The following KY variants were observed in gnomAD, a reference collection of about 807,000 sequenced individuals.
KY encodes the protein kyphoscoliosis peptidase.
A neutral mutation model predicts 76.1 loss-of-function variants in KY; 43 were observed. The observed-to-expected ratio is 0.57, with a 90% CI of 0.44 to 0.73. The LOEUF (loss-of-function observed/expected upper bound fraction) is 0.73, where lower values mean the gene tolerates loss of function less well. Ranked by LOEUF, KY falls within the 30% of genes least tolerant of loss-of-function variation. KY has a pLI of 0.00. For synonymous variants in KY, 277 were observed against 326.2 expected (o/e 0.85, Z 1.63); for missense variants, 722 against 828.9 (o/e 0.87, Z 1.58).
chr3:134,646,950 GA>G (rs1447261659), intron 2 of KY, among the ~76,000 whole-genome samples: 1 of 152,110 alleles, frequency 6.6e-6, no homozygotes, highest in Non-Finnish European at 1.5e-5. Flanking sequence ...CCTGGCACTG[GA>G]AAAAAGAGGC....
intron 10 of KY, chr3:134,608,153 G>T (rs930494768): frequency 8.7e-7 from 1 of 1,148,224 alleles, no homozygotes; most frequent in East Asian, 6.3e-5. Flanking sequence ...TTCCAGCTCT[G>T]CTGAGGCCAT....
chr3:134,610,428 T>C, intron 8 of KY, 45 bp from the exon 9 acceptor site: 4 of 1,555,294 alleles, frequency 2.6e-6, no homozygotes, highest in Non-Finnish European at 3.5e-6. Flanking sequence ...CCGCTGTGGC[T>C]TGCCTCCAAG....
chr3:134,606,653 G>A (rs1959226468), intron 10 of KY, among the ~76,000 whole-genome samples: 1 of 152,198 alleles, frequency 6.6e-6, no homozygotes, highest in Admixed American at 6.5e-5. Context: ...TGGTGAAGGG[G>A]CTAGCCTGTT....
intron 6 of KY, among the ~76,000 whole-genome samples, chr3:134,622,699 A>G (rs1243812484): frequency 6.6e-6 from 1 of 152,330 alleles, no homozygotes; most frequent in Non-Finnish European, 1.5e-5. Context: ...TTTATGATAA[A>G]AAAAGAACAA....
chr3:134,644,704 G>A (rs942988762), intron 2 of KY, among the ~76,000 whole-genome samples: 18 of 152,210 alleles, frequency 1.2e-4, no homozygotes, highest in African/African-American at 4.1e-4. Context: ...CAGATCAGCC[G>A]CTCAGTGGTT....
Position 134,618,010 on chromosome 3 carries a change from G to C in KY, c.710+1138C>G, listed in dbSNP as rs140692677. 6.4e-3 allele frequency among the ~76,000 whole-genome samples: 967 copies of C among 152,266 alleles called. 3 individuals carry two copies. Among genetic ancestry groups the C allele is most frequent in the Non-Finnish European group, 0.011 (726 of 68,020 alleles). ...GGAGGTATGCTTGGGTCTGGGGTAG[G>C]GGGTGGGAAGCAGCCTGGGTGGCAT... On this transcript the variant is annotated intron_variant, in intron 8 of 10. Transcript: ENST00000423778.
At chr3:134,621,904 A>G (rs1236413662) in intron 6 of KY, among the ~76,000 whole-genome samples, 1 of 152,224 alleles carries the variant, frequency 6.6e-6, no homozygotes, top group East Asian at 1.9e-4. Flanking sequence ...GGGGCAAAGG[A>G]CTTGAACAGA....
intron 2 of KY, among the ~76,000 whole-genome samples, chr3:134,644,190 G>A (rs988978470): frequency 3.9e-5 from 6 of 152,174 alleles, no homozygotes; most frequent in South Asian, 2.1e-4. Context: ...CCTAGGAGAC[G>A]GGATGATGTG....
Position 134,647,485 on chromosome 3 carries a change from A to C in KY, c.149T>G (p.Val50Gly). ...CTGCCATCTTCGGACTCCATTTCCA[A>C]CACCTTGGAATCCTGCAAAATAACA... Reference protein sequence around the residue: ...LLQRGGGFQGVGNGVRRWQKL... With the variant: ...LLQRGGGFQGGGNGVRRWQKL... The change falls in exon 2 of 11, where the codon GTT becomes GGT. Residue 50 changes from valine to glycine, a missense_variant. Coordinates refer to ENST00000423778, the MANE Select transcript of KY (RefSeq NM_178554.6). The C allele has an allele frequency of 6.2e-7, 1 of 1,610,310 alleles. No individual in the cohort carries two copies. The highest frequency in any genetic ancestry group is 8.5e-7 in the Non-Finnish European group (1 of 1,177,142).
At chr3:134,640,141 TGAG>T (rs1194392076) in intron 3 of KY, among the ~76,000 whole-genome samples, 1 of 150,226 alleles carries the variant, frequency 6.7e-6, no homozygotes, top group African/African-American at 2.5e-5. Context: ...AAAGAGAGGC[TGAG>T]GAGGAGAGAA....
Position 134,608,845 on chromosome 3 carries a change from G to T in KY, c.900-6C>A, listed in dbSNP as rs745826488. 12 of 1,602,702 alleles carry T rather than the reference G, an allele frequency of 7.5e-6. No homozygotes were observed. Among genetic ancestry groups the T allele is most frequent in the Non-Finnish European group, 1.0e-5 (12 of 1,172,388 alleles). On this transcript the variant is annotated splice_polypyrimidine_tract_variant and splice_region_variant and intron_variant, in intron 9 of 10. Coordinates refer to ENST00000423778, the MANE Select transcript of KY (RefSeq NM_178554.6). ...GGAAGTAGAACTCATTGTAGCTGGA[G>T]CAGAGACAAGCTGGTTAGCAGCCAG...
At chr3:134,614,186 A>C (rs1024479597) in intron 8 of KY, among the ~76,000 whole-genome samples, 7 of 152,136 alleles carry the variant, frequency 4.6e-5, no homozygotes, top group Non-Finnish European at 5.9e-5. Context: ...TGCAGGCAGG[A>C]GCTGAGAGAG....
Position 134,625,086 on chromosome 3 carries a change from C to T in KY, c.450G>A (p.Gln150=). ...CGTAGATATCCAATTTCTCAAACTG[C>T]TGCAGGTCCAGGGACATGGATTTCA... The part of the protein sequence containing the change: ...SSLKSMSLDL[Q]QFEKLDIYAS... Residue 150 remains glutamine (Q), a synonymous_variant, in exon 6 of 11, where the codon CAG becomes CAA. Coordinates refer to ENST00000423778, the MANE Select transcript of KY (RefSeq NM_178554.6). 6.2e-7 allele frequency: 1 copy of T among 1,602,548 alleles called. No homozygotes were observed. The highest frequency in any genetic ancestry group is 8.5e-7 in the Non-Finnish European group (1 of 1,174,470).
intron 3 of KY, among the ~76,000 whole-genome samples, chr3:134,635,061 G>T (rs1054021714): frequency 6.6e-6 from 1 of 152,176 alleles, no homozygotes; most frequent in Non-Finnish European, 1.5e-5. Flanking sequence ...TTATCCCAGA[G>T]AAATGAAAAC....
intron 3 of KY, among the ~76,000 whole-genome samples, chr3:134,640,230 G>T (rs1965570738): frequency 6.6e-6 from 1 of 151,850 alleles, no homozygotes; most frequent in Non-Finnish European, 1.5e-5. Context: ...TTGGGTGGGG[G>T]GTACTGCACC....
At chr3:134,617,991 A>G (rs1961874166) in intron 8 of KY, among the ~76,000 whole-genome samples, 1 of 151,874 alleles carries the variant, frequency 6.6e-6, no homozygotes, top group Admixed American at 6.6e-5. Flanking sequence ...AGCAGGAGGT[A>G]TGCTTGGGTC....
At chr3:134,635,478 C>T (rs1391150201) in intron 3 of KY, among the ~76,000 whole-genome samples, 2 of 104,718 alleles carry the variant, frequency 1.9e-5, no homozygotes, top group Non-Finnish European at 3.5e-5. Flanking sequence ...GCCTGGACAA[C>T]AGAGCGAGAC....
rs1161845453 is a variant in KY, at chr3:134,608,746, T to C, written c.993A>G (p.Gln331=). Residue 331 remains glutamine (Q), a synonymous_variant, in exon 10 of 11, where the codon CAA becomes CAG. Transcript: ENST00000423778. ...TGTTGTTCTCAAACTGCCTCAGAGA[T>C]TGAGGAGGTTTTAGCAGCTGCCAGT... ...NKNWQLLKPP[Q]SLRQFENNMY... The C allele has an allele frequency of 6.2e-7, 1 of 1,614,012 alleles. No individual in the cohort carries two copies. The highest frequency in any genetic ancestry group is 8.5e-7 in the Non-Finnish European group (1 of 1,179,884).
chr3:134,606,330 C>G (rs913682432), intron 10 of KY, among the ~76,000 whole-genome samples: 3 of 152,156 alleles, frequency 2.0e-5, no homozygotes, highest in Non-Finnish European at 4.4e-5. Flanking sequence ...GCTGGAGACC[C>G]GTGGAGAAGC....
Sources: gnomAD v4.1 joint callset for allele counts (sites outside exome capture counted in the v4.1 genomes callset) on GRCh38, gnomAD v4.1.1 for gene constraint, MANE v1.5 for transcripts, NCBI Gene and HGNC (gene_info 2026-07-23, HGNC 2026-07-21) for gene names.